MTMR3: variants seen among roughly 807,000 people sequenced by gnomAD.
MTMR3 encodes phosphatidylinositol-3,5-bisphosphate 3-phosphatase MTMR3.
Under a neutral mutation model 132.4 loss-of-function variants are expected in MTMR3, and 32 were observed. The observed-to-expected ratio is 0.24, with a 90% CI of 0.18 to 0.32. The LOEUF (loss-of-function observed/expected upper bound fraction) is 0.32. Among genes scored for constraint, MTMR3 ranks in the 10% least tolerant of loss-of-function variants. MTMR3 has a pLI of 1.00. For synonymous variants in MTMR3, 556 were observed against 550.3 expected (o/e 1.01, Z -0.14); for missense variants, 1,216 against 1,489.6 (o/e 0.82, Z 3.02).
At chr22:29,947,902 T>C (rs1411108277) in intron 1 of MTMR3, among the ~76,000 whole-genome samples, 1 of 152,188 alleles carries the variant, frequency 6.6e-6, no homozygotes, top group South Asian at 2.1e-4. Flanking sequence ...TTCTGGTCTT[T>C]TGGCCATTTA....
intron 3 of MTMR3, among the ~76,000 whole-genome samples, chr22:29,975,732 AGT>A (rs1170275021): frequency 2.6e-5 from 4 of 152,154 alleles, no homozygotes; most frequent in Non-Finnish European, 5.9e-5. Context: ...CAGCCTCTTA[AGT>A]ATCTGGGACT....
At chr22:29,913,388 A>T (rs556103448) in intron 1 of MTMR3, among the ~76,000 whole-genome samples, 9 of 152,364 alleles carry the variant, frequency 5.9e-5, no homozygotes, top group African/African-American at 2.2e-4. Flanking sequence ...GGGGCAAGTC[A>T]TTAACTTCTC....
chr22:30,016,051 C>G, intron 14 of MTMR3: 1 of 172,332 alleles, frequency 5.8e-6, no homozygotes, highest in Admixed American at 5.5e-5. Flanking sequence ...ACTGGTCACT[C>G]TTCAGCTATG....
intron 1 of MTMR3, among the ~76,000 whole-genome samples, chr22:29,906,825 C>T (rs2065112960): frequency 6.6e-6 from 1 of 152,020 alleles, no homozygotes; most frequent in Admixed American, 6.6e-5. Flanking sequence ...ATGCCTGTAT[C>T]CCAGCACTTT....
At chr22:29,944,901 CTG>C (rs1687760333) in intron 1 of MTMR3, among the ~76,000 whole-genome samples, 1 of 152,184 alleles carries the variant, frequency 6.6e-6, no homozygotes, top group Non-Finnish European at 1.5e-5. Flanking sequence ...AATGAATAAA[CTG>C]TATAAATAGG....
intron 15 of MTMR3, chr22:30,017,080 C>A (rs1018938910): frequency 5.6e-6 from 1 of 177,084 alleles, no homozygotes. Context: ...AGCACCCTCC[C>A]AGTGTCAATA....
At chr22:30,017,421 T>C (rs1470796917) in intron 15 of MTMR3, 2 of 157,994 alleles carry the variant, frequency 1.3e-5, no homozygotes, top group Non-Finnish European at 2.8e-5. Context: ...AGCTGACTGC[T>C]TGTCTCTCCC....
In MTMR3 at chr22:30,019,490, A is replaced by G; in HGVS notation, c.1831A>G (p.Thr611Ala). Residue 611 changes from threonine to alanine, a missense_variant, in exon 17 of 20, where the codon ACT becomes GCT. Thr to Ala is a moderately conservative substitution (Grantham distance 58). Coordinates refer to ENST00000401950, the MANE Select transcript of MTMR3 (RefSeq NM_021090.4). Reference protein sequence around the residue: ...DDPPLSRLPKTRSYDNLTTAC... With the variant: ...DDPPLSRLPKARSYDNLTTAC... ...ATTCCTTTCCTTTAGGCTACCAAAG[A>G]CTAGATCATACGACAATCTGACCAC... 2 of 1,603,682 alleles carry G rather than the reference A, an allele frequency of 1.2e-6. No individual in the cohort carries two copies. The highest frequency in any genetic ancestry group is 2.2e-5 in the East Asian group (1 of 44,786).
At chr22:29,960,488 A>G (rs1032897469) in intron 2 of MTMR3, among the ~76,000 whole-genome samples, 2 of 152,040 alleles carry the variant, frequency 1.3e-5, no homozygotes, top group African/African-American at 2.4e-5. Context: ...AAAAGGAGAC[A>G]GTGTTGGAAA....
intron 19 of MTMR3, chr22:30,023,788 A>T: frequency 2.5e-6 from 1 of 395,030 alleles, no homozygotes; most frequent in Non-Finnish European, 4.6e-6. Flanking sequence ...TTTCAGAGCT[A>T]TTTATTTTGG....
At chr22:29,930,628 G>T (rs1331625269) in intron 1 of MTMR3, among the ~76,000 whole-genome samples, 1 of 152,200 alleles carries the variant, frequency 6.6e-6, no homozygotes, top group Admixed American at 6.5e-5. Flanking sequence ...GAAGGTCAAG[G>T]CTGCAGTGAG....
chr22:29,991,416 G>A (rs2066958809), intron 6 of MTMR3, 88 bp from the exon 7 acceptor site: 9 of 1,322,766 alleles, frequency 6.8e-6, no homozygotes, highest in Middle Eastern at 2.0e-4. Context: ...ACTTCACTAC[G>A]AGTGGGCATT....
At chr22:29,974,268 T>C (rs1602602547) in intron 3 of MTMR3, among the ~76,000 whole-genome samples, 3 of 152,234 alleles carry the variant, frequency 2.0e-5, no homozygotes, top group African/African-American at 7.2e-5. Context: ...AAGTTTGGCC[T>C]TCCTCACCTA....
intron 1 of MTMR3, among the ~76,000 whole-genome samples, chr22:29,900,454 A>G (rs2064983235): frequency 6.6e-6 from 1 of 152,190 alleles, no homozygotes. Context: ...CACTTACCTT[A>G]CAGAGCAGAA....
intron 1 of MTMR3, among the ~76,000 whole-genome samples, chr22:29,906,634 C>G (rs1283337571): frequency 6.6e-6 from 1 of 152,088 alleles, no homozygotes; most frequent in South Asian, 2.1e-4. Context: ...CCGTGCCTGG[C>G]CTGTCTCACT....
At chr22:29,983,112 A>G (rs2066788579) in intron 5 of MTMR3, 1 of 152,172 alleles carries the variant, frequency 6.6e-6, no homozygotes, top group African/African-American at 2.4e-5. Flanking sequence ...TCACCTTGCA[A>G]ATCAGCAGAA....
intron 1 of MTMR3, among the ~76,000 whole-genome samples, chr22:29,919,009 T>A (rs2145764423): frequency 6.6e-6 from 1 of 152,354 alleles, no homozygotes; most frequent in East Asian, 1.9e-4. Flanking sequence ...CCTCCCAAAA[T>A]GCTGGAATTA....
chr22:29,904,228 A>T (rs548984630), intron 1 of MTMR3, among the ~76,000 whole-genome samples: 3 of 152,350 alleles, frequency 2.0e-5, no homozygotes, highest in African/African-American at 7.2e-5. Flanking sequence ...TAGCTTTATC[A>T]GTTGCACACT....
At chr22:29,971,464 A>T (rs578216885) in intron 3 of MTMR3, among the ~76,000 whole-genome samples, 10 of 152,246 alleles carry the variant, frequency 6.6e-5, no homozygotes, top group South Asian at 2.1e-4. Context: ...TTACTTAAAA[A>T]TTTTTTTAAA....
Sources: gnomAD v4.1 joint callset for allele counts (sites outside exome capture counted in the v4.1 genomes callset) on GRCh38, gnomAD v4.1.1 for gene constraint, MANE v1.5 for transcripts, NCBI Gene and HGNC (gene_info 2026-07-23, HGNC 2026-07-21) for gene names.